The following NECTIN3 variants were observed in gnomAD, a reference collection of about 807,000 sequenced individuals.
NECTIN3 encodes nectin-3.
In NECTIN3, 8 loss-of-function variants were observed where a neutral mutation model predicts 49.4. The ratio of observed to expected loss-of-function variants is 0.16; its 90% CI spans 0.10 to 0.29. The LOEUF is 0.29. Among genes scored for constraint, NECTIN3 ranks in the 10% least tolerant of loss-of-function variants. The pLI is 1.00. For missense variants in NECTIN3, 581 were observed against 654.6 expected (o/e 0.89, Z 1.23); for synonymous variants, 277 against 241.1 (o/e 1.15, Z -1.38).
At chr3:111,079,551 A>G (rs2031458461) in intron 1 of NECTIN3, among the ~76,000 whole-genome samples, 1 of 151,850 alleles carries the variant, frequency 6.6e-6, no homozygotes, top group African/African-American at 2.4e-5. Flanking sequence ...TTTAAATGCA[A>G]AATAAAAAAG....
intron 5 of NECTIN3, among the ~76,000 whole-genome samples, chr3:111,128,970 A>G (rs1576141406): frequency 6.6e-6 from 1 of 152,316 alleles, no homozygotes; most frequent in South Asian, 2.1e-4. Flanking sequence ...TGAAAACCAA[A>G]TCCTTACAAT....
intron 1 of NECTIN3, among the ~76,000 whole-genome samples, chr3:111,098,251 A>G (rs1316394525): frequency 6.6e-6 from 1 of 152,194 alleles, no homozygotes; most frequent in Non-Finnish European, 1.5e-5. Flanking sequence ...TCTGGGTATC[A>G]TGCCAAATTT....
intron 7 of NECTIN3, among the ~76,000 whole-genome samples, chr3:111,163,107 CACTT>C (rs1280110324): frequency 1.3e-5 from 2 of 152,182 alleles, no homozygotes; most frequent in African/African-American, 2.4e-5. Context: ...AATGCTCACT[CACTT>C]GTTTGGTTCC....
chr3:111,089,287 C>T (rs930293781), intron 1 of NECTIN3, among the ~76,000 whole-genome samples: 7 of 151,690 alleles, frequency 4.6e-5, no homozygotes, highest in Non-Finnish European at 7.4e-5. Flanking sequence ...GTTTCTATTT[C>T]ATTATTTTCT....
chr3:111,166,335 A>T (rs543607181), intron 7 of NECTIN3, among the ~76,000 whole-genome samples: 37 of 151,714 alleles, frequency 2.4e-4, no homozygotes, highest in African/African-American at 9.0e-4. Context: ...GGAACAACAT[A>T]CCAGTGAACA....
At chr3:111,132,861 G>A (rs2034443172) in intron 5 of NECTIN3, among the ~76,000 whole-genome samples, 1 of 151,896 alleles carries the variant, frequency 6.6e-6, no homozygotes, top group Non-Finnish European at 1.5e-5. Context: ...GTTAGACATG[G>A]TGATGACATT....
chr3:111,117,345 T>A (rs1341917187), intron 2 of NECTIN3, among the ~76,000 whole-genome samples: 1 of 152,186 alleles, frequency 6.6e-6, no homozygotes, highest in Admixed American at 6.5e-5. Flanking sequence ...AAACAAACCA[T>A]TGATCTCCAA....
chr3:111,103,552 G>T (rs998195599), intron 1 of NECTIN3, among the ~76,000 whole-genome samples: 1 of 149,004 alleles, frequency 6.7e-6, no homozygotes, highest in Admixed American at 6.7e-5. Flanking sequence ...CTAAATTTTT[G>T]ATTAGAAAGG....
intron 7 of NECTIN3, among the ~76,000 whole-genome samples, chr3:111,169,247 G>T (rs958843754): frequency 2.0e-5 from 3 of 151,280 alleles, no homozygotes; most frequent in Non-Finnish European, 4.4e-5. Flanking sequence ...CTGCCACCAC[G>T]CCTGGCTAAT....
At chr3:111,156,815 G>T (rs189797237) in intron 7 of NECTIN3, among the ~76,000 whole-genome samples, 45 of 152,146 alleles carry the variant, frequency 3.0e-4, no homozygotes, top group African/African-American at 1.0e-3. Context: ...CTCTGGTTGT[G>T]GCATGATTCC....
At chr3:111,105,019 A>C (rs1297929037) in intron 1 of NECTIN3, among the ~76,000 whole-genome samples, 4 of 152,144 alleles carry the variant, frequency 2.6e-5, no homozygotes, top group Non-Finnish European at 4.4e-5. Context: ...TCTTTAGATA[A>C]TTCTTTAATT....
chr3:111,124,645 T>C (rs1270128043), intron 4 of NECTIN3, among the ~76,000 whole-genome samples: 1 of 152,248 alleles, frequency 6.6e-6, no homozygotes, highest in Non-Finnish European at 1.5e-5. Context: ...TATCCTTCAG[T>C]GCTGAATTGA....
intron 7 of NECTIN3, among the ~76,000 whole-genome samples, chr3:111,175,633 G>A (rs755134852): frequency 1.2e-4 from 19 of 152,092 alleles, no homozygotes; most frequent in Non-Finnish European, 2.5e-4. Flanking sequence ...GTAGAGCTCA[G>A]TTCTCATAGA....
intron 5 of NECTIN3, among the ~76,000 whole-genome samples, chr3:111,133,257 A>G (rs1229842446): frequency 6.6e-6 from 1 of 151,994 alleles, no homozygotes; most frequent in Non-Finnish European, 1.5e-5. Context: ...TACTTGATTT[A>G]CTTTTTTGTT....
chr3:111,147,361 T>C (rs992922772), intron 6 of NECTIN3: 23 of 1,353,742 alleles, frequency 1.7e-5, no homozygotes, highest in African/African-American at 6.0e-5. Flanking sequence ...TTTTTTTTTT[T>C]CCTAAATGTG....
At position 111,118,640 on chromosome 3, in the gene NECTIN3, A is replaced by G; in HGVS notation, c.503-16A>G. 1.3e-6 allele frequency: 2 copies of G among 1,510,238 alleles called. No individual in the cohort carries two copies. Among genetic ancestry groups the G allele is most frequent in the Non-Finnish European group, 1.8e-6 (2 of 1,129,484 alleles). The allele number at this position is 1,510,238 out of a possible 1,614,324, so 93.6% of individuals were successfully genotyped here. A position where few individuals can be genotyped will look rare whatever the true frequency, so the allele number is the denominator to read the frequency against. On this transcript the variant is annotated splice_polypyrimidine_tract_variant and intron_variant, in intron 2 of 5. Coordinates refer to ENST00000485303, the MANE Select transcript of NECTIN3 (RefSeq NM_015480.3). ...TTGTTTGAATGTAACTAATTATTAA[A>G]AAAATATTTAAACAGTTGAACCCAC...
exon 6 of NECTIN3, chr3:111,144,951 A>C: frequency 6.5e-7 from 1 of 1,536,228 alleles, no homozygotes; most frequent in Non-Finnish European, 8.7e-7. Flanking sequence ...CGGTAATTGG[A>C]GCTGTTCTTG....
At chr3:111,076,873 G>C (rs1376175448) in intron 1 of NECTIN3, among the ~76,000 whole-genome samples, 1 of 151,686 alleles carries the variant, frequency 6.6e-6, no homozygotes, top group Admixed American at 6.6e-5. Flanking sequence ...TGCTTGGAAG[G>C]CTGAGGCAGG....
chr3:111,099,403 G>T (rs1214358906), intron 1 of NECTIN3, among the ~76,000 whole-genome samples: 1 of 152,070 alleles, frequency 6.6e-6, no homozygotes, highest in Non-Finnish European at 1.5e-5. Flanking sequence ...TTTTCGCTTG[G>T]TTAACAAATT....
Sources: allele counts gnomAD v4.1 joint callset (sites outside exome capture counted in the v4.1 genomes callset), GRCh38; gene constraint gnomAD v4.1.1; transcripts MANE v1.5; gene names NCBI Gene and HGNC (gene_info 2026-07-23, HGNC 2026-07-21).